Variants in ANO10 observed in about 807,000 individuals in gnomAD.
ANO10 encodes anoctamin-10.
In ANO10, 77 loss-of-function variants were observed where a neutral mutation model predicts 74.7. The ratio of observed to expected loss-of-function variants is 1.03; its 90% CI spans 0.86 to 1.25. ANO10 has a LOEUF of 1.25. Ranked by LOEUF, ANO10 falls within the 50% of genes most tolerant of loss-of-function variation. The probability of loss-of-function intolerance (pLI) is 0.00; values close to 1 mark genes in which losing one functional copy is unlikely to be tolerated. For missense variants in ANO10, 721 were observed against 778.1 expected (o/e 0.93, Z 0.87); for synonymous variants, 279 against 284.9 (o/e 0.98, Z 0.21).
chr3:43,507,975 AAAGAACATT>A (rs2077360274), intron 11 of ANO10, among the ~76,000 whole-genome samples: 1 of 152,218 alleles, frequency 6.6e-6, no homozygotes, highest in Admixed American at 6.5e-5. Context: ...GTTCCTTATT[AAAGAACATT>A]AAGAACACTG....
intron 2 of ANO10, among the ~76,000 whole-genome samples, chr3:43,603,148 T>C (rs1278807921): frequency 6.6e-6 from 1 of 152,222 alleles, no homozygotes; most frequent in Non-Finnish European, 1.5e-5. Context: ...ATCATTTGCA[T>C]AGTTTATTAT....
chr3:43,439,249 G>T (rs1423968478), intron 11 of ANO10, among the ~76,000 whole-genome samples: 1 of 151,522 alleles, frequency 6.6e-6, no homozygotes, highest in East Asian at 1.9e-4. Context: ...AGTACTGAAA[G>T]AAAAAACTCC....
chr3:43,617,013 C>A (rs2083141662), intron 1 of ANO10, among the ~76,000 whole-genome samples: 1 of 151,554 alleles, frequency 6.6e-6, no homozygotes, highest in East Asian at 1.9e-4. Flanking sequence ...TCTCTCTTCT[C>A]TAATTAGCTG....
intron 1 of ANO10, among the ~76,000 whole-genome samples, chr3:43,646,683 G>A (rs1210533406): frequency 2.6e-5 from 4 of 152,008 alleles, no homozygotes; most frequent in African/African-American, 9.7e-5. Context: ...GTTAATTTTT[G>A]TATTTTAGTA....
chr3:43,689,252 C>G (rs2084318553), intron 1 of ANO10: 1 of 152,184 alleles, frequency 6.6e-6, no homozygotes, highest in African/African-American at 2.4e-5. Flanking sequence ...ACATACTTAC[C>G]TACCTGCCCT....
chr3:43,572,243 C>G (rs1472311159), intron 7 of ANO10, among the ~76,000 whole-genome samples: 1 of 152,188 alleles, frequency 6.6e-6, no homozygotes, highest in Admixed American at 6.5e-5. Context: ...AGGACCCCCC[C>G]ACCAACAATA....
intron 11 of ANO10, among the ~76,000 whole-genome samples, chr3:43,433,161 G>A (rs1037483019): frequency 6.6e-6 from 1 of 151,634 alleles, no homozygotes; most frequent in African/African-American, 2.4e-5. Context: ...TGGTCAGACT[G>A]GTCTCAAACT....
intron 1 of ANO10, among the ~76,000 whole-genome samples, chr3:43,650,610 G>C (rs2149568163): frequency 6.6e-6 from 1 of 152,274 alleles, no homozygotes; most frequent in Non-Finnish European, 1.5e-5. Flanking sequence ...ATTACCAAAG[G>C]ATTTCTGGGT....
intron 11 of ANO10, among the ~76,000 whole-genome samples, chr3:43,462,743 C>T (rs1022032235): frequency 2.0e-5 from 3 of 152,228 alleles, no homozygotes; most frequent in Non-Finnish European, 4.4e-5. Flanking sequence ...CCTCCCATCA[C>T]AGGCCAGGAG....
chr3:43,568,441 C>T (rs1439540943), intron 7 of ANO10, among the ~76,000 whole-genome samples: 343 of 146,320 alleles, frequency 2.3e-3, no homozygotes, highest in South Asian at 5.3e-3. Flanking sequence ...GGAAGTAAAG[C>T]ACTCCTCAGC....
chr3:43,535,955 C>T (rs2149262459), intron 11 of ANO10, among the ~76,000 whole-genome samples: 1 of 152,276 alleles, frequency 6.6e-6, no homozygotes, highest in East Asian at 1.9e-4. Context: ...CATTTTAAAG[C>T]ATAAAAACTA....
chr3:43,600,639 A>C (rs2082300101), intron 2 of ANO10, 58 bp from the exon 3 acceptor site: 1 of 1,347,012 alleles, frequency 7.4e-7, no homozygotes, highest in African/African-American at 1.5e-5. Context: ...CAAAACTAAA[A>C]ACTTTCTAAA....
intron 2 of ANO10, among the ~76,000 whole-genome samples, chr3:43,601,268 C>T (rs756358526): frequency 1.1e-4 from 17 of 152,258 alleles, no homozygotes; most frequent in South Asian, 8.3e-4. Context: ...TACGGTGGCA[C>T]GATCTTGGCT....
At chr3:43,406,995 C>G (rs188149013) in intron 12 of ANO10, among the ~76,000 whole-genome samples, 72 of 152,110 alleles carry the variant, frequency 4.7e-4, no homozygotes, top group African/African-American at 1.5e-3. Context: ...CCTCTGCCTC[C>G]CAGGTTCATG....
At chr3:43,534,684 C>T (rs1434841788) in intron 11 of ANO10, among the ~76,000 whole-genome samples, 1 of 152,214 alleles carries the variant, frequency 6.6e-6, no homozygotes, top group East Asian at 1.9e-4. Flanking sequence ...TCCCAATGTC[C>T]ACCTGGAAAC....
chr3:43,449,515 C>CTTTTTTTTT (rs61265406), intron 11 of ANO10, among the ~76,000 whole-genome samples: 55 of 107,108 alleles, frequency 5.1e-4, no homozygotes, highest in East Asian at 1.2e-3. Flanking sequence ...TATCTAGATT[C>CTTTTTTTTT]TTTTTTTTTT....
intron 1 of ANO10, among the ~76,000 whole-genome samples, chr3:43,613,670 T>C (rs2082944119): frequency 6.6e-6 from 1 of 152,178 alleles, no homozygotes; most frequent in Admixed American, 6.5e-5. Flanking sequence ...AAATTTTTCA[T>C]AATAAAAAGC....
At chr3:43,533,279 C>CA (rs1414357657) in intron 11 of ANO10, among the ~76,000 whole-genome samples, 6 of 152,132 alleles carry the variant, frequency 3.9e-5, no homozygotes, top group African/African-American at 1.4e-4. Context: ...TTCAAAGAAC[C>CA]ATATCACTGA....
intron 1 of ANO10, among the ~76,000 whole-genome samples, chr3:43,606,174 A>T (rs2082555456): frequency 1.3e-5 from 2 of 152,246 alleles, no homozygotes; most frequent in Admixed American, 6.5e-5. Context: ...GTATTTTCAA[A>T]GAATGTGACA....
Sources: allele counts gnomAD v4.1 joint callset (sites outside exome capture counted in the v4.1 genomes callset), GRCh38; gene constraint gnomAD v4.1.1; transcripts MANE v1.5; gene names NCBI Gene and HGNC (gene_info 2026-07-23, HGNC 2026-07-21).